The following NDST4 variants were observed in gnomAD, a reference collection of about 807,000 sequenced individuals.
The protein encoded by NDST4 is N-heparan sulfate sulfotransferase 4.
A neutral mutation model predicts 100.8 loss-of-function variants in NDST4; 63 were observed. The observed-to-expected ratio is 0.62, with a 90% CI of 0.51 to 0.77. NDST4 has a LOEUF of 0.77. Among genes scored for constraint, NDST4 ranks in the 30% least tolerant of loss-of-function variants. NDST4 has a pLI of 0.00. For synonymous variants in NDST4, 377 were observed against 361.8 expected (o/e 1.04, Z -0.48); for missense variants, 943 against 1,018.4 (o/e 0.93, Z 1.01).
At chr4:114,849,212 C>T (rs1436276223) in intron 8 of NDST4, among the ~76,000 whole-genome samples, 1 of 152,158 alleles carries the variant, frequency 6.6e-6, no homozygotes, top group Non-Finnish European at 1.5e-5. Flanking sequence ...ACCTTATTTC[C>T]CTCAGAGCCA....
At position 115,111,742 on chromosome 4, in the gene NDST4, T is replaced by TA. The variant is rs200343607; in HGVS notation, c.-247+1701dup. On this transcript the variant is annotated intron_variant, in intron 1 of 13. Coordinates refer to ENST00000264363, the MANE Select transcript of NDST4 (RefSeq NM_022569.3). Reference sequence around the variant, plus strand: ...TATTATAACTTTTTCAAAGGGTTTTTATGTATCAGTCTTAGTGGTGACCAG... The same window carrying TA: ...TATTATAACTTTTTCAAAGGGTTTTTAATGTATCAGTCTTAGTGGTGACCAG... Among the ~76,000 whole-genome samples the TA allele has an allele frequency of 9.5e-4, 144 of 151,850 alleles. 2 individuals carry two copies. The East Asian group carries it at 0.026, about 28-fold the overall frequency.
chr4:114,852,191 G>A (rs1282273642), intron 8 of NDST4, among the ~76,000 whole-genome samples: 2 of 152,060 alleles, frequency 1.3e-5, no homozygotes, highest in Non-Finnish European at 2.9e-5. Context: ...AAAAATACCT[G>A]ATGAACTTCA....
intron 11 of NDST4, among the ~76,000 whole-genome samples, chr4:114,834,565 C>T (rs1437552705): frequency 5.3e-5 from 8 of 151,174 alleles, no homozygotes. Context: ...AATGGTAAGG[C>T]CCAGCTACTA....
At chr4:114,984,142 C>CTATTTATT (rs148008819) in intron 2 of NDST4, among the ~76,000 whole-genome samples, 6 of 145,880 alleles carry the variant, frequency 4.1e-5, no homozygotes, top group African/African-American at 1.0e-4. Context: ...CAAACTAATA[C>CTATTTATT]TATTTATTTA....
intron 2 of NDST4, among the ~76,000 whole-genome samples, chr4:115,032,331 A>G (rs1728133639): frequency 6.6e-6 from 1 of 152,136 alleles, no homozygotes; most frequent in Admixed American, 6.6e-5. Context: ...CTTTTAATTT[A>G]GTTTTTCAGT....
chr4:114,955,535 C>T (rs1003733700), intron 4 of NDST4, among the ~76,000 whole-genome samples: 3 of 151,942 alleles, frequency 2.0e-5, no homozygotes, highest in African/African-American at 7.3e-5. Flanking sequence ...AGAATGGACT[C>T]AAAAGGCCAA....
intron 2 of NDST4, among the ~76,000 whole-genome samples, chr4:115,042,496 G>T (rs774263891): frequency 1.3e-5 from 2 of 152,084 alleles, no homozygotes; most frequent in Non-Finnish European, 2.9e-5. Flanking sequence ...GAGGGAGAGA[G>T]ACTACATTCA....
At chr4:114,999,952 A>G (rs1288760260) in intron 2 of NDST4, among the ~76,000 whole-genome samples, 1 of 151,922 alleles carries the variant, frequency 6.6e-6, no homozygotes, top group East Asian at 1.9e-4. Flanking sequence ...TTATGTGTCA[A>G]TGTTATTATC....
chr4:115,063,553 T>C (rs777339394), intron 2 of NDST4, among the ~76,000 whole-genome samples: 2 of 151,960 alleles, frequency 1.3e-5, no homozygotes, highest in Non-Finnish European at 2.9e-5. Context: ...AGTCATTCTT[T>C]AGATATGAAA....
chr4:114,907,880 G>A (rs535799258), intron 6 of NDST4, among the ~76,000 whole-genome samples: 1 of 152,238 alleles, frequency 6.6e-6, no homozygotes, highest in South Asian at 2.1e-4. Flanking sequence ...ATTATTGGAC[G>A]TTAAAGTCTT....
chr4:114,908,659 G>C (rs1037088992), intron 6 of NDST4, among the ~76,000 whole-genome samples: 1 of 152,108 alleles, frequency 6.6e-6, no homozygotes, highest in Admixed American at 6.6e-5. Context: ...GTTATAAAAG[G>C]TTAAATTTTC....
intron 2 of NDST4, among the ~76,000 whole-genome samples, chr4:115,027,828 C>A (rs908486585): frequency 2.0e-5 from 3 of 152,038 alleles, no homozygotes; most frequent in African/African-American, 7.2e-5. Context: ...CCAAGGCGGG[C>A]AGATCACCTG....
chr4:114,963,090 C>CA (rs922953812), intron 4 of NDST4, among the ~76,000 whole-genome samples: 3 of 152,010 alleles, frequency 2.0e-5, no homozygotes, highest in Admixed American at 2.0e-4. Context: ...TATCTCCACA[C>CA]AAAAACTTGC....
At chr4:114,945,975 A>G (rs1455903803) in intron 4 of NDST4, among the ~76,000 whole-genome samples, 1 of 152,172 alleles carries the variant, frequency 6.6e-6, no homozygotes, top group African/African-American at 2.4e-5. Flanking sequence ...CTTTTGACAA[A>G]AGAAATAGAA....
intron 4 of NDST4, among the ~76,000 whole-genome samples, chr4:114,967,872 A>G (rs1726419343): frequency 6.6e-6 from 1 of 152,158 alleles, no homozygotes; most frequent in South Asian, 2.1e-4. Context: ...AATTAACACT[A>G]TTGAATGCTT....
chr4:114,929,489 T>C (rs73850746), intron 6 of NDST4, among the ~76,000 whole-genome samples: 1 of 152,310 alleles, frequency 6.6e-6, no homozygotes, highest in African/African-American at 2.4e-5. Flanking sequence ...GCTGTGTCTG[T>C]CCTGGTCTCT....
chr4:115,099,321 A>T (rs1158971888), intron 1 of NDST4, among the ~76,000 whole-genome samples: 1 of 152,210 alleles, frequency 6.6e-6, no homozygotes, highest in Non-Finnish European at 1.5e-5. Flanking sequence ...TACGTTTAAC[A>T]TTATTAAAGT....
chr4:115,106,745 C>T (rs1396963642), intron 1 of NDST4, among the ~76,000 whole-genome samples: 1 of 152,096 alleles, frequency 6.6e-6, no homozygotes, highest in Non-Finnish European at 1.5e-5. Flanking sequence ...ATCTTCATTT[C>T]ATTATGTTAG....
At chr4:115,097,079 T>A (rs1729634248) in intron 1 of NDST4, among the ~76,000 whole-genome samples, 1 of 152,152 alleles carries the variant, frequency 6.6e-6, no homozygotes, top group African/African-American at 2.4e-5. Context: ...ATGTTTTTTC[T>A]TAATCCTTAC....
Sources: gnomAD v4.1 joint callset for allele counts (sites outside exome capture counted in the v4.1 genomes callset) on GRCh38, gnomAD v4.1.1 for gene constraint, MANE v1.5 for transcripts, NCBI Gene and HGNC (gene_info 2026-07-23, HGNC 2026-07-21) for gene names.